RPTOR: variants seen among roughly 807,000 people sequenced by gnomAD.
RPTOR encodes regulatory associated protein of MTOR complex 1.
RPTOR carries 21 observed loss-of-function variants against 169.9 expected under a neutral mutation model. The ratio of observed to expected loss-of-function variants is 0.12; its 90% CI spans 0.09 to 0.18. The LOEUF (loss-of-function observed/expected upper bound fraction) is 0.18. Ranked by LOEUF, RPTOR falls within the 10% of genes least tolerant of loss-of-function variation. RPTOR has a pLI of 1.00. For synonymous variants in RPTOR, 732 were observed against 753.2 expected, an observed-to-expected ratio of 0.97 and a Z score of 0.46; for missense variants, 1,133 against 1,855.9, an observed-to-expected ratio of 0.61 and a Z score of 7.16.
intron 6 of RPTOR, among the ~76,000 whole-genome samples, chr17:80,784,565 G>A (rs1238894434): frequency 6.6e-6 from 1 of 151,142 alleles, no homozygotes; most frequent in Admixed American, 6.6e-5. Context: ...CTAATTTTTT[G>A]TATTTTTAGT....
chr17:80,877,797 A>C (rs1268597109), intron 13 of RPTOR, among the ~76,000 whole-genome samples: 2 of 152,158 alleles, frequency 1.3e-5, no homozygotes, highest in African/African-American at 4.8e-5. Flanking sequence ...TGGCCTCCTC[A>C]GCTCGGGGGA....
intron 5 of RPTOR, among the ~76,000 whole-genome samples, chr17:80,741,058 T>A (rs117136407): frequency 0.021 from 3,153 of 152,260 alleles, 43 homozygotes; most frequent in Non-Finnish European, 0.031. Flanking sequence ...TGTGGAGAGA[T>A]TGGAATCCTT....
chr17:80,741,339 G>A (rs1303209263), intron 5 of RPTOR, among the ~76,000 whole-genome samples: 1 of 152,172 alleles, frequency 6.6e-6, no homozygotes, highest in Non-Finnish European at 1.5e-5. Context: ...GGCAGTGCAG[G>A]AGGCCATGGC....
chr17:80,955,115 TTC>T (rs2069232024), intron 28 of RPTOR, among the ~76,000 whole-genome samples: 1 of 144,558 alleles, frequency 6.9e-6, no homozygotes. Flanking sequence ...AGATTGGCAG[TTC>T]TCAAATTAAT....
chr17:80,685,627 A>ATATATATTTTTTTT (rs1269766086), intron 3 of RPTOR, among the ~76,000 whole-genome samples: 1 of 30,684 alleles, frequency 3.3e-5, no homozygotes, highest in Non-Finnish European at 5.4e-5. Context: ...ATATATATAT[A>ATATATATTTTTTTT]TTTTTTTTTT....
chr17:80,646,181 G>A lies in RPTOR; in HGVS notation c.348+2371G>A, dbSNP rs977208858. Among the ~76,000 whole-genome samples, 8 of 152,242 alleles carry A rather than the reference G, an allele frequency of 5.3e-5. No homozygotes were observed. Among genetic ancestry groups the A allele is most frequent in the South Asian group, 2.1e-4 (1 of 4,820 alleles). On this transcript the variant is annotated intron_variant, in intron 3 of 33. Coordinates refer to ENST00000306801, the MANE Select transcript of RPTOR (RefSeq NM_020761.3). The surrounding 1 kb of genome is among the most constrained non-coding windows in gnomAD (Gnocchi z 5.0). ...TTCAGGAAGCAAAACCACAACAATGGACACCTAATATTTGCTTTTCGAATG... is the reference window on the plus strand; with the variant it reads ...TTCAGGAAGCAAAACCACAACAATGAACACCTAATATTTGCTTTTCGAATG...
intron 9 of RPTOR, among the ~76,000 whole-genome samples, chr17:80,833,166 C>T (rs1255620153): frequency 1.3e-5 from 2 of 152,218 alleles, no homozygotes; most frequent in African/African-American, 2.4e-5. Context: ...TGGACTTGGA[C>T]GGTTTTCCTC....
intron 24 of RPTOR, among the ~76,000 whole-genome samples, chr17:80,938,271 C>T (rs532314592): frequency 6.6e-6 from 1 of 152,218 alleles, no homozygotes; most frequent in Non-Finnish European, 1.5e-5. Flanking sequence ...ATTTCTACCC[C>T]CCACGTCTGG....
Position 80,888,440 on chromosome 17 carries a change from T to C in RPTOR, c.1984-3280T>C, listed in dbSNP as rs76977249. On this transcript the variant is annotated intron_variant, in intron 17 of 33. Coordinates refer to ENST00000306801, the MANE Select transcript of RPTOR (RefSeq NM_020761.3). ...CTGCTGTGGTCACAGGAGCTGAGTTTTATGATGCCTGAGCACAGGTCACAA... is the reference window on the plus strand; with the variant it reads ...CTGCTGTGGTCACAGGAGCTGAGTTCTATGATGCCTGAGCACAGGTCACAA... Among the ~76,000 whole-genome samples the C allele has an allele frequency of 7.4e-3, 1,121 of 152,332 alleles. 9 individuals carry two copies. The highest frequency in any genetic ancestry group is 0.034 in the Middle Eastern group (10 of 294).
At chr17:80,910,693 C>T (rs796418487) in intron 21 of RPTOR, among the ~76,000 whole-genome samples, 33 of 152,238 alleles carry the variant, frequency 2.2e-4, no homozygotes, top group Middle Eastern at 3.4e-3. Context: ...GGCCGGCCAT[C>T]GAGCCAGGGT....
chr17:80,693,976 G>A (rs1171438101), intron 3 of RPTOR, among the ~76,000 whole-genome samples: 3 of 152,228 alleles, frequency 2.0e-5, no homozygotes, highest in Non-Finnish European at 2.9e-5. Flanking sequence ...GCGCAGAAAC[G>A]GGCTTGGTCT....
At chr17:80,660,443 A>C (rs934947728) in intron 3 of RPTOR, among the ~76,000 whole-genome samples, 2 of 152,130 alleles carry the variant, frequency 1.3e-5, no homozygotes, top group Non-Finnish European at 2.9e-5. Flanking sequence ...GATGGATCGT[A>C]CAACCTTTGG....
chr17:80,746,447 C>T lies in RPTOR; in HGVS notation c.655-7563C>T, dbSNP rs1440976544. Among the ~76,000 whole-genome samples, 3 of 152,236 alleles carry T rather than the reference C, an allele frequency of 2.0e-5. No individual in the cohort carries two copies. The highest frequency in any genetic ancestry group is 7.2e-5 in the African/African-American group (3 of 41,468). On this transcript the variant is annotated intron_variant, in intron 5 of 33. Coordinates refer to ENST00000306801, the MANE Select transcript of RPTOR (RefSeq NM_020761.3). This position sits in a 1 kb window ranked among gnomAD's most constrained non-coding sequence, Gnocchi z 4.5. ...TGCGCGTGCACTGACTCCACATTAC[C>T]CACACGTGGGAACAATGCAGCAGAT...
At chr17:80,839,546 C>G (rs2067604267) in intron 10 of RPTOR, among the ~76,000 whole-genome samples, 2 of 126,564 alleles carry the variant, frequency 1.6e-5, no homozygotes, top group South Asian at 5.6e-4. Flanking sequence ...GGCCTTCCCT[C>G]CCTTCCTGCT....
intron 6 of RPTOR, among the ~76,000 whole-genome samples, chr17:80,759,321 A>C (rs1275076829): frequency 3.3e-5 from 5 of 152,204 alleles, no homozygotes; most frequent in Non-Finnish European, 4.4e-5. Context: ...TCATCCCAGT[A>C]GCCCCTGAAA....
chr17:80,865,528 A>G (rs747753981), intron 13 of RPTOR, among the ~76,000 whole-genome samples: 4 of 152,156 alleles, frequency 2.6e-5, no homozygotes, highest in Non-Finnish European at 4.4e-5. Flanking sequence ...GAGGTTTGGG[A>G]GCAGAGAACG....
intron 9 of RPTOR, among the ~76,000 whole-genome samples, chr17:80,835,680 C>T (rs912996689): frequency 6.6e-6 from 1 of 152,160 alleles, no homozygotes; most frequent in African/African-American, 2.4e-5. Context: ...GTGTAAAATT[C>T]GCTTCAGGCT....
At chr17:80,864,047 G>A (rs890142734) in intron 13 of RPTOR, among the ~76,000 whole-genome samples, 37 of 152,184 alleles carry the variant, frequency 2.4e-4, no homozygotes, top group African/African-American at 6.0e-4. Flanking sequence ...GTACTATTTG[G>A]GGGTCCATAA....
At chr17:80,898,769 C>T (rs1489089263) in intron 20 of RPTOR, among the ~76,000 whole-genome samples, 4 of 150,364 alleles carry the variant, frequency 2.7e-5, no homozygotes, top group Non-Finnish European at 5.9e-5. Context: ...CCGCCGTCTC[C>T]GTCTAGTGAG....
Sources: allele counts gnomAD v4.1 joint callset (sites outside exome capture counted in the v4.1 genomes callset), GRCh38; gene constraint gnomAD v4.1.1; non-coding constraint Gnocchi (gnomAD v3.1); transcripts MANE v1.5; gene names NCBI Gene and HGNC (gene_info 2026-07-23, HGNC 2026-07-21).